VEPH1: variants seen among roughly 807,000 people sequenced by gnomAD.
The protein encoded by VEPH1 is ventricular zone expressed PH domain containing 1.
A neutral mutation model predicts 85.2 loss-of-function variants in VEPH1; 80 were observed. The ratio of observed to expected loss-of-function variants is 0.94; its 90% CI spans 0.78 to 1.13. The LOEUF (loss-of-function observed/expected upper bound fraction) is 1.13, where lower values mean the gene tolerates loss of function less well. Among genes scored for constraint, VEPH1 ranks in the 50% most tolerant of loss-of-function variants. The pLI is 0.00. For missense variants in VEPH1, 955 were observed against 980.5 expected (o/e 0.97, Z 0.35); for synonymous variants, 297 against 348.0 (o/e 0.85, Z 1.63).
chr3:157,447,249 G>A (rs1482953324), intron 4 of VEPH1, among the ~76,000 whole-genome samples: 1 of 152,180 alleles, frequency 6.6e-6, no homozygotes, highest in Non-Finnish European at 1.5e-5. Context: ...TCAAGAAGGT[G>A]CAAACTCTGA....
chr3:157,340,743 C>T (rs1319751518), intron 9 of VEPH1, among the ~76,000 whole-genome samples: 1 of 152,236 alleles, frequency 6.6e-6, no homozygotes, highest in South Asian at 2.1e-4. Context: ...GGATCCCTGA[C>T]CCCTGAGTAG....
intron 2 of VEPH1, among the ~76,000 whole-genome samples, chr3:157,479,242 A>G (rs1238795148): frequency 6.6e-6 from 1 of 152,144 alleles, no homozygotes; most frequent in Non-Finnish European, 1.5e-5. Flanking sequence ...GACCAAATCT[A>G]TTTAATGTCA....
At chr3:157,306,687 C>A (rs1454827750) in intron 11 of VEPH1, among the ~76,000 whole-genome samples, 1 of 151,922 alleles carries the variant, frequency 6.6e-6, no homozygotes, top group Non-Finnish European at 1.5e-5. Context: ...AAATAGGGCA[C>A]ATGAAATTAT....
intron 7 of VEPH1, among the ~76,000 whole-genome samples, chr3:157,372,056 G>C (rs1288071161): frequency 1.3e-5 from 2 of 152,180 alleles, no homozygotes; most frequent in African/African-American, 2.4e-5. Context: ...AGACCTGTAA[G>C]GCAATGTGCT....
intron 11 of VEPH1, among the ~76,000 whole-genome samples, chr3:157,305,173 G>T (rs1278308524): frequency 7.4e-6 from 1 of 134,618 alleles, no homozygotes; most frequent in African/African-American, 2.8e-5. Flanking sequence ...GCAGTGGCGG[G>T]ATCTCGGCTC....
intron 4 of VEPH1, among the ~76,000 whole-genome samples, chr3:157,457,906 C>T (rs919899813): frequency 1.3e-5 from 2 of 151,982 alleles, no homozygotes; most frequent in African/African-American, 4.8e-5. Context: ...AGTCTCTCCT[C>T]CTCAATTTTT....
intron 9 of VEPH1, among the ~76,000 whole-genome samples, chr3:157,328,031 G>T (rs1722114082): frequency 6.6e-6 from 1 of 152,078 alleles, no homozygotes; most frequent in African/African-American, 2.4e-5. Context: ...TGTGTCTTTG[G>T]GCAAGTTACA....
intron 10 of VEPH1, 34 bp from the exon 11 acceptor site, chr3:157,313,789 C>G: frequency 1.2e-6 from 2 of 1,612,218 alleles, no homozygotes; most frequent in African/African-American, 1.3e-5. Context: ...ACAGAATATA[C>G]TATGTCTTGT....
intron 9 of VEPH1, among the ~76,000 whole-genome samples, chr3:157,347,269 A>G (rs529864520): frequency 6.6e-6 from 1 of 152,368 alleles, no homozygotes; most frequent in East Asian, 1.9e-4. Flanking sequence ...TTCAGTAGAA[A>G]GACATGATTG....
At chr3:157,384,257 CA>C (rs1729067575) in intron 6 of VEPH1, among the ~76,000 whole-genome samples, 1 of 152,168 alleles carries the variant, frequency 6.6e-6, no homozygotes, top group Non-Finnish European at 1.5e-5. Flanking sequence ...GGCAAGGTTT[CA>C]GACTCTAAAC....
intron 12 of VEPH1, among the ~76,000 whole-genome samples, chr3:157,278,547 C>A (rs922037268): frequency 4.6e-5 from 7 of 152,230 alleles, no homozygotes; most frequent in Admixed American, 6.5e-5. Flanking sequence ...CAAGGGGTGG[C>A]ACAACAGATT....
At chr3:157,398,445 C>A (rs976729153) in intron 6 of VEPH1, among the ~76,000 whole-genome samples, 1 of 152,044 alleles carries the variant, frequency 6.6e-6, no homozygotes, top group Non-Finnish European at 1.5e-5. Flanking sequence ...ACTATCCTGG[C>A]CAATATGGTG....
At chr3:157,274,089 T>C (rs1319025137) in intron 12 of VEPH1, among the ~76,000 whole-genome samples, 2 of 152,224 alleles carry the variant, frequency 1.3e-5, no homozygotes, top group Admixed American at 1.3e-4. Context: ...CCTAGAGTTA[T>C]ACTTAACACA....
At chr3:157,312,536 C>A (rs1720219639) in intron 11 of VEPH1, among the ~76,000 whole-genome samples, 1 of 152,178 alleles carries the variant, frequency 6.6e-6, no homozygotes, top group Non-Finnish European at 1.5e-5. Flanking sequence ...ATATGTAAAC[C>A]AGAATGCTTT....
chr3:157,478,549 T>C (rs1737713868), intron 2 of VEPH1, among the ~76,000 whole-genome samples: 2 of 152,104 alleles, frequency 1.3e-5, no homozygotes, highest in Non-Finnish European at 2.9e-5. Flanking sequence ...CAATGAAAAA[T>C]ACATGACAGT....
intron 2 of VEPH1, among the ~76,000 whole-genome samples, chr3:157,487,910 C>T (rs1738804802): frequency 6.6e-6 from 1 of 151,964 alleles, no homozygotes; most frequent in Non-Finnish European, 1.5e-5. Flanking sequence ...GAGCATTAAC[C>T]AAAAGCCTGG....
chr3:157,343,474 C>G lies in VEPH1; in HGVS notation c.1735+19890G>C, dbSNP rs146238433. Reference sequence around the variant, plus strand: ...CACATACACCCTCCCAAGACTAAACCAGGAAGGAGTTGAATCCCTCAATAG... The same window carrying G: ...CACATACACCCTCCCAAGACTAAACGAGGAAGGAGTTGAATCCCTCAATAG... On this transcript the variant is annotated intron_variant, in intron 9 of 13. Coordinates refer to ENST00000362010, the MANE Select transcript of VEPH1 (RefSeq NM_001167912.2). Among the ~76,000 whole-genome samples the G allele has an allele frequency of 1.4e-4, 21 of 152,146 alleles. No individual in the cohort carries two copies. In the East Asian group the frequency reaches 3.5e-3, roughly 25 times the overall value.
intron 2 of VEPH1, among the ~76,000 whole-genome samples, chr3:157,483,308 A>C (rs1226854728): frequency 6.6e-6 from 1 of 152,138 alleles, no homozygotes; most frequent in East Asian, 1.9e-4. Flanking sequence ...TGAAGGTACA[A>C]CACTCAACAC....
intron 5 of VEPH1, among the ~76,000 whole-genome samples, chr3:157,415,984 C>A (rs769493363): frequency 6.6e-6 from 1 of 152,122 alleles, no homozygotes; most frequent in Non-Finnish European, 1.5e-5. Flanking sequence ...CTGAGCAGGT[C>A]CTTCACATGC....
Sources: allele counts gnomAD v4.1 joint callset (sites outside exome capture counted in the v4.1 genomes callset), GRCh38; gene constraint gnomAD v4.1.1; transcripts MANE v1.5; gene names NCBI Gene and HGNC (gene_info 2026-07-23, HGNC 2026-07-21).